The following CEP170B variants were observed in gnomAD, a reference collection of about 807,000 sequenced individuals.
The protein encoded by CEP170B is centrosomal protein 170B, also known as centrosomal protein of 170 kDa protein B.
A neutral mutation model predicts 120.6 loss-of-function variants in CEP170B; 55 were observed. That is an observed-to-expected ratio of 0.46 (90% CI 0.37 to 0.57). The LOEUF (loss-of-function observed/expected upper bound fraction) is 0.57. Among genes scored for constraint, CEP170B ranks in the 20% least tolerant of loss-of-function variants. CEP170B has a pLI of 0.00. For missense variants in CEP170B, 2,212 were observed against 2,253.3 expected, an observed-to-expected ratio of 0.98 and a Z score of 0.37; for synonymous variants, 1,033 against 954.5, an observed-to-expected ratio of 1.08 and a Z score of -1.52.
intron 5 of CEP170B, among the ~76,000 whole-genome samples, chr14:104,879,548 C>T (rs1011653230): frequency 5.3e-5 from 8 of 152,136 alleles, no homozygotes; most frequent in South Asian, 2.1e-4. Flanking sequence ...TCAGTCTCTC[C>T]GATCTCCTCC....
chr14:104,888,287 TC>T (rs1393491185), intron 12 of CEP170B, among the ~76,000 whole-genome samples: 1 of 152,144 alleles, frequency 6.6e-6, no homozygotes, highest in African/African-American at 2.4e-5. Flanking sequence ...TCCCCACTCT[TC>T]CTGTACTCCT....
chr14:104,883,664 T>TC (rs561361676), intron 8 of CEP170B, among the ~76,000 whole-genome samples, 156 bp downstream of exon 8: 67 of 152,130 alleles, frequency 4.4e-4, no homozygotes, highest in Middle Eastern at 3.4e-3. Context: ...TGGTCAGGAG[T>TC]CCGGTCCTGC....
At chr14:104,882,348 C>T (rs568424028) in intron 6 of CEP170B, among the ~76,000 whole-genome samples, 2 of 152,254 alleles carry the variant, frequency 1.3e-5, no homozygotes, top group Non-Finnish European at 2.9e-5. Flanking sequence ...CTGTTGGATG[C>T]GCTCTGGGGT....
At chr14:104,873,809 C>G (rs866194605) in intron 2 of CEP170B, among the ~76,000 whole-genome samples, 1 of 152,152 alleles carries the variant, frequency 6.6e-6, no homozygotes, top group Non-Finnish European at 1.5e-5. Context: ...CCTGCTGGAC[C>G]CCATCCCCTG....
chr14:104,878,382 G>A (rs554079568), intron 4 of CEP170B, 61 bp from the exon 5 acceptor site: 15 of 1,549,762 alleles, frequency 9.7e-6, no homozygotes, highest in Middle Eastern at 1.7e-4. Context: ...GTTGCTGGGC[G>A]TGGACTTCAG....
At chr14:104,894,440 G>A (rs1288440221) in intron 17 of CEP170B, 62 bp downstream of exon 17, 1 of 1,606,904 alleles carries the variant, frequency 6.2e-7, no homozygotes, top group South Asian at 1.1e-5. Flanking sequence ...TGCCTGGCTG[G>A]CCCCAAACCT....
chr14:104,889,018 A>C (rs1896658284), intron 12 of CEP170B, among the ~76,000 whole-genome samples: 1 of 152,196 alleles, frequency 6.6e-6, no homozygotes, highest in African/African-American at 2.4e-5. Flanking sequence ...GCTGGTGAGG[A>C]GGCCAGGACT....
Position 104,878,436 on chromosome 14 carries a change from T to A in CEP170B, c.275-7T>A. ...TCTGCTCTGTGTTCGCCTTAACACG[T>A]GTCCACATTCCAACATGTATGTGCT... On this transcript the variant is annotated splice_polypyrimidine_tract_variant and splice_region_variant and intron_variant, in intron 4 of 18. Transcript: ENST00000414716. 1 of 1,612,592 alleles carries A rather than the reference T, an allele frequency of 6.2e-7. No individual in the cohort carries two copies. The highest frequency in any genetic ancestry group is 8.5e-7 in the Non-Finnish European group (1 of 1,179,544).
intron 2 of CEP170B, among the ~76,000 whole-genome samples, chr14:104,875,043 G>A (rs1003439220): frequency 3.3e-5 from 5 of 152,248 alleles, no homozygotes; most frequent in Admixed American, 3.3e-4. Context: ...AGGGGTGCTG[G>A]GGAAGGCCCC....
intron 12 of CEP170B, 33 bp from the exon 13 acceptor site, chr14:104,889,587 C>G: frequency 6.2e-7 from 1 of 1,607,222 alleles, no homozygotes; most frequent in Non-Finnish European, 8.5e-7. Context: ...CGCCACGGCT[C>G]CCCCAAACAC....
Position 104,896,182 on chromosome 14 carries a change from C to T in CEP170B, c.*1224C>T, listed in dbSNP as rs375901483. On this transcript the variant is annotated 3_prime_UTR_variant, in exon 19 of 19. Coordinates refer to ENST00000414716, the MANE Select transcript of CEP170B (RefSeq NM_001112726.3). ...GTATGAGAGTCGGACCTGGACAGGG[C>T]CAGCTGCTGGGGGAGCGGCACTGGG... 1.6e-3 allele frequency: 337 copies of T among 212,678 alleles called. 10 individuals carry two copies. In the South Asian group the frequency reaches 0.022, roughly 14 times the overall value. 13.2% of individuals were successfully genotyped at this position (212,678 alleles called of 1,614,324 possible). A position where few individuals can be genotyped will look rare whatever the true frequency, so the allele number is the denominator to read the frequency against.
chr14:104,892,509 C>T (rs1242762196), intron 13 of CEP170B, among the ~76,000 whole-genome samples: 4 of 148,052 alleles, frequency 2.7e-5, no homozygotes, highest in Non-Finnish European at 4.5e-5. Context: ...GTGAGGAGTG[C>T]CAGGCTGTAG....
At chr14:104,880,149 T>C (rs968987276) in intron 5 of CEP170B, 138 bp from the exon 6 acceptor site, 4 of 1,216,952 alleles carry the variant, frequency 3.3e-6, no homozygotes, top group Non-Finnish European at 4.5e-6. Flanking sequence ...GTCTGCTCTT[T>C]TGGGGAGCAT....
rs764537358 is a variant in CEP170B, at chr14:104,886,705, A to G, written c.2466A>G (p.Leu822=). 5 of 1,590,666 alleles carry G rather than the reference A, an allele frequency of 3.1e-6. No homozygotes were observed. The highest frequency in any genetic ancestry group is 4.3e-6 in the Non-Finnish European group (5 of 1,167,866). ...PLAAPGDGEG[L]GQTAQPSPPA... ...CGGCTCCAGGGGATGGGGAGGGCCT[A>G]GGGCAGACAGCCCAGCCCAGCCCCC... The change falls in exon 12 of 19, where the codon CTA becomes CTG. Residue 822 remains leucine (L), a synonymous_variant. Coordinates refer to ENST00000414716, the MANE Select transcript of CEP170B (RefSeq NM_001112726.3).
At position 104,884,184 on chromosome 14, in the gene CEP170B, C is replaced by T. The variant is rs1381030783; in HGVS notation, c.1405C>T (p.Arg469Trp). ...SGPQRAGSLKREKTEERLGSP... is the reference protein window; with the variant it reads ...SGPQRAGSLKWEKTEERLGSP... The stretch of plus-strand genomic sequence containing the variant: ...GCCACAGAGGGCCGGCTCGCTCAAG[C>T]GGGAGAAGACAGAGGAACGGCTGGG... Residue 469 changes from arginine to tryptophan, a missense_variant, in exon 9 of 19, where the codon CGG (arginine) becomes TGG (tryptophan). Physicochemically the swap from Arg to Trp is moderately radical, Grantham distance 101 (BLOSUM62 -3). Around this residue, in one of 2 missense-constraint regions of CEP170B, gnomAD observed 2,166 missense variants for 2,166.7 expected, o/e 1.00. Transcript: ENST00000414716. 45 of 1,545,414 alleles carry T rather than the reference C, an allele frequency of 2.9e-5. No individual in the cohort carries two copies. Among genetic ancestry groups the T allele is most frequent in the Non-Finnish European group, 3.7e-5 (42 of 1,147,524 alleles).
rs774049262 is a variant in CEP170B, at chr14:104,886,359, A to G, written c.2120A>G (p.Glu707Gly). 5.7e-6 allele frequency: 9 copies of G among 1,576,552 alleles called. No homozygotes were observed. The highest frequency in any genetic ancestry group is 1.8e-5 in the Admixed American group (1 of 54,700). Residue 707 changes from glutamate to glycine, a missense_variant, in exon 12 of 19, where the codon GAG (glutamate) becomes GGG (glycine). By Grantham distance (98) the Glu-to-Gly change is moderately conservative. Around this residue, in one of 2 missense-constraint regions of CEP170B, gnomAD observed 2,166 missense variants for 2,166.7 expected, o/e 1.00. Transcript: ENST00000414716. ...CGACGGCTCCCTCAGCTGCCCAGTG[A>G]GAGGGCTGACAGCCCTGCGGGCCCA... is the stretch of plus-strand genomic sequence containing the variant. ...MRRRLPQLPS[E>G]RADSPAGPES...
intron 9 of CEP170B, 51 bp downstream of exon 9, chr14:104,884,600 GCGA>G: frequency 1.5e-5 from 22 of 1,491,740 alleles, no homozygotes; most frequent in East Asian, 2.6e-5. Context: ...GGGGGTGGAG[GCGA>G]TGCCGGGGGT....
rs61995987 is a variant in CEP170B at position 104,870,516 on chromosome 14, C to T, written c.105+1961C>T. 6.6e-6 allele frequency among the ~76,000 whole-genome samples: 1 copy of T among 152,112 alleles called. No homozygotes were observed. Among genetic ancestry groups the T allele is most frequent in the Non-Finnish European group, 1.5e-5 (1 of 68,008 alleles). ...GGTGGCTAGGAGGGCTTCTTGGAGG[C>T]GGCGGCACTTTGGAGCCTCTGGAAG... is the stretch of plus-strand genomic sequence containing the variant. On this transcript the variant is annotated intron_variant, in intron 2 of 18. Coordinates refer to ENST00000414716, the MANE Select transcript of CEP170B (RefSeq NM_001112726.3). The surrounding 1 kb of genome is among the most constrained non-coding windows in gnomAD (Gnocchi z 4.1).
Position 104,877,976 on chromosome 14 carries a change from T to C in CEP170B, c.274+13T>C. ...CGCTTCGGCTACGATATCCTGCCCC[T>C]GAGCGTCCCTCCTCCTGGGCTTCTT... On this transcript the variant is annotated intron_variant, in intron 4 of 18. Transcript: ENST00000414716. 3 of 1,598,626 alleles carry C rather than the reference T, an allele frequency of 1.9e-6. No homozygotes were observed. The highest frequency in any genetic ancestry group is 2.6e-6 in the Non-Finnish European group (3 of 1,171,682).
Sources: gnomAD v4.1 joint callset for allele counts (sites outside exome capture counted in the v4.1 genomes callset) on GRCh38, gnomAD v4.1.1 for gene constraint, gnomAD v4.1.1 regional missense constraint, Gnocchi (gnomAD v3.1) non-coding constraint, MANE v1.5 for transcripts, NCBI Gene and HGNC (gene_info 2026-07-23, HGNC 2026-07-21) for gene names.